BICRA: variants seen among roughly 807,000 people sequenced by gnomAD.
BICRA encodes the protein BRD4 interacting chromatin remodeling complex associated protein, also known as BRD4-interacting chromatin-remodeling complex-associated protein.
BICRA carries 31 observed loss-of-function variants against 96.9 expected under a neutral mutation model. The observed-to-expected ratio is 0.32, with a 90% CI of 0.24 to 0.43. The LOEUF is 0.43. Among genes scored for constraint, BICRA ranks in the 20% least tolerant of loss-of-function variants. The pLI is 1.00. For synonymous variants in BICRA, 1,350 were observed against 1,071.8 expected (o/e 1.26, Z -5.07); for missense variants, 2,283 against 2,190.3 (o/e 1.04, Z -0.84).
At chr19:47,649,466 C>T (rs567122206) in intron 1 of BICRA, among the ~76,000 whole-genome samples, 7 of 152,276 alleles carry the variant, frequency 4.6e-5, no homozygotes, top group African/African-American at 1.4e-4. Flanking sequence ...GTCTCTGCCT[C>T]GAAGATCTTG....
chr19:47,624,043 GT>G (rs1320879243), intron 1 of BICRA, among the ~76,000 whole-genome samples: 1 of 151,956 alleles, frequency 6.6e-6, no homozygotes. Flanking sequence ...TAGCGTCGGG[GT>G]TTCTCCATGT....
chr19:47,675,750 C>G lies in BICRA; in HGVS notation c.85-101C>G, dbSNP rs1047722331. 2 of 885,220 alleles carry G rather than the reference C, an allele frequency of 2.3e-6. No individual in the cohort carries two copies. Among genetic ancestry groups the G allele is most frequent in the African/African-American group, 3.3e-5 (2 of 60,362 alleles). The allele number at this position is 885,220 out of a possible 1,614,324, so 54.8% of individuals were successfully genotyped here. On this transcript the variant is annotated intron_variant, in intron 4 of 14. Coordinates refer to ENST00000594866, the MANE Select transcript of BICRA (RefSeq NM_001394372.1). This position sits in a 1 kb window ranked among gnomAD's most constrained non-coding sequence, Gnocchi z 4.7. The stretch of plus-strand genomic sequence containing the variant: ...ACCCCCAGCCCTCTCCCATCCCAAC[C>G]CTTGTCTTTTTGTCCTGAGTGACCC...
In BICRA at chr19:47,679,847, C is replaced by T. The variant is rs1470890154; in HGVS notation, c.677C>T (p.Thr226Met). ...GLPNGSPGGA[T>M]AATLGLAPIQ... ...CCCAATGGCAGCCCTGGGGGTGCCA[C>T]GGCGGCCACACTGGGCCTGGCGCCC... Residue 226 changes from threonine (T) to methionine (M), a missense_variant, in exon 6 of 15, where the codon ACG becomes ATG. Thr to Met is a moderately conservative substitution (Grantham distance 81, BLOSUM62 -1). Transcript: ENST00000594866. The T allele has an allele frequency of 6.7e-7, 1 of 1,491,844 alleles. No individual in the cohort carries two copies. Among genetic ancestry groups the T allele is most frequent in the Non-Finnish European group, 8.9e-7 (1 of 1,126,874 alleles). The allele number at this position is 1,491,844 out of a possible 1,614,324, so 92.4% of individuals were successfully genotyped here. A position where few individuals can be genotyped will look rare whatever the true frequency, so the allele number is the denominator to read the frequency against.
At chr19:47,658,645 AAAAAAAAAG>A in intron 1 of BICRA, among the ~76,000 whole-genome samples, 1 of 134,736 alleles carries the variant, frequency 7.4e-6, no homozygotes. Context: ...AAAAAAAAAA[AAAAAAAAAG>A]CAGCAGCAGC....
intron 1 of BICRA, among the ~76,000 whole-genome samples, chr19:47,614,624 A>T (rs1045621655): frequency 9.2e-5 from 14 of 152,216 alleles, no homozygotes; most frequent in Admixed American, 2.0e-4. Context: ...GACTCTGTCT[A>T]AAACAAACAA....
chr19:47,628,491 T>G (rs1208296684), intron 1 of BICRA, among the ~76,000 whole-genome samples: 1 of 152,248 alleles, frequency 6.6e-6, no homozygotes, highest in Non-Finnish European at 1.5e-5. Flanking sequence ...CTCTTAGCTT[T>G]GGGGTTTGCC....
At chr19:47,627,533 C>T (rs941822446) in intron 1 of BICRA, among the ~76,000 whole-genome samples, 5 of 152,176 alleles carry the variant, frequency 3.3e-5, no homozygotes, top group African/African-American at 9.7e-5. Flanking sequence ...GGCAGCTCCC[C>T]GTCAGCACAT....
chr19:47,658,128 A>G (rs145245323), intron 1 of BICRA, among the ~76,000 whole-genome samples: 1 of 152,206 alleles, frequency 6.6e-6, no homozygotes, highest in Non-Finnish European at 1.5e-5. Flanking sequence ...AAACTTTCCC[A>G]TATCCATTCT....
chr19:47,701,716 C>A lies in BICRA; in HGVS notation c.3984C>A (p.Asp1328Glu). The change falls in exon 15 of 15, where the codon GAC becomes GAA. Residue 1328 changes from aspartate (D) to glutamate (E), a missense_variant. Coordinates refer to ENST00000594866, the MANE Select transcript of BICRA (RefSeq NM_001394372.1). The surrounding 1 kb of genome is among the most constrained non-coding windows in gnomAD (Gnocchi z 5.4). ...LSKVVHNTAL[D>E]PVHQPPPPPA... is the part of the protein sequence containing the mutation. ...AGGTCGTGCACAACACGGCCCTGGA[C>A]CCCGTGCACCAGCCCCCGCCACCCC... 1 of 1,592,312 alleles carries A rather than the reference C, an allele frequency of 6.3e-7. No individual in the cohort carries two copies. The highest frequency in any genetic ancestry group is 1.1e-5 in the South Asian group (1 of 88,248).
rs568574550 is a variant in BICRA at position 47,699,483 on chromosome 19, G to C, written c.3595+78G>C. On this transcript the variant is annotated intron_variant, in intron 14 of 14. Transcript: ENST00000594866. This position sits in a 1 kb window ranked among gnomAD's most constrained non-coding sequence, Gnocchi z 5.0. ...TGGGCAGAAGAGTTAGATTCAGGGC[G>C]GGGAGTGGGTGTGTGGCCCTACCTC... The C allele has an allele frequency of 6.7e-5, 56 of 839,678 alleles. No individual in the cohort carries two copies. Among genetic ancestry groups the C allele is most frequent in the Middle Eastern group, 2.2e-4 (1 of 4,498 alleles). 52.0% of individuals were successfully genotyped at this position (839,678 alleles called of 1,614,324 possible).
chr19:47,694,762 C>A, intron 8 of BICRA, 36 bp downstream of exon 8: 1 of 1,136,772 alleles, frequency 8.8e-7, no homozygotes, highest in East Asian at 2.4e-5. Context: ...CCCATCAGCC[C>A]CATCCCATCC....
intron 5 of BICRA, among the ~76,000 whole-genome samples, chr19:47,678,803 G>A (rs1270068628): frequency 6.6e-6 from 1 of 152,030 alleles, no homozygotes. Flanking sequence ...GCACGCCCTA[G>A]GTTACACAGC....
chr19:47,677,632 T>C (rs185074097), intron 5 of BICRA, among the ~76,000 whole-genome samples: 6 of 152,194 alleles, frequency 3.9e-5, no homozygotes, highest in Admixed American at 2.6e-4. Context: ...TGGGCGGAGA[T>C]TGTGGTGAGC....
intron 1 of BICRA, among the ~76,000 whole-genome samples, chr19:47,651,540 G>T (rs889911402): frequency 6.6e-6 from 1 of 152,092 alleles, no homozygotes; most frequent in Non-Finnish European, 1.5e-5. Context: ...GACTCCTGCC[G>T]GTAGAACGTG....
rs1174835330 is a variant in BICRA, at chr19:47,698,899, C to A, written c.3398-66C>A. On this transcript the variant is annotated intron_variant, in intron 12 of 14. Transcript: ENST00000594866. The surrounding 1 kb of genome is among the most constrained non-coding windows in gnomAD (Gnocchi z 4.8). ...TGCGCTATGCTGACCCTGCCCCGCC[C>A]TCCTTCCTGCGCATCCGCGGCCGCC... is the stretch of plus-strand genomic sequence containing the variant. 1 of 1,386,270 alleles carries A rather than the reference C, an allele frequency of 7.2e-7. No homozygotes were observed. Among genetic ancestry groups the A allele is most frequent in the Non-Finnish European group, 1.0e-6 (1 of 995,676 alleles). 85.9% of individuals were successfully genotyped at this position (1,386,270 alleles called of 1,614,324 possible). A position where few individuals can be genotyped will look rare whatever the true frequency, so the allele number is the denominator to read the frequency against.
rs1972384788 is a variant in BICRA, at chr19:47,641,421, A to G, written c.-107-29022A>G. 2.6e-5 allele frequency among the ~76,000 whole-genome samples: 4 copies of G among 152,148 alleles called. No homozygotes were observed. In the South Asian group the frequency reaches 8.3e-4, roughly 32 times the overall value. On this transcript the variant is annotated intron_variant, in intron 1 of 14. Transcript: ENST00000594866. ...TCCTCCCTACCCCCTGGCTCAGGCA[A>G]TGCAAAAATCTCTGCTTTCTGTAAC...
At chr19:47,694,752 C>A (rs1973306600) in intron 8 of BICRA, 26 bp downstream of exon 8, 3 of 1,190,464 alleles carry the variant, frequency 2.5e-6, no homozygotes, top group Non-Finnish European at 2.4e-6. Context: ...GACTGCCCGC[C>A]CCATCAGCCC....
chr19:47,680,363 C>T lies in BICRA; in HGVS notation c.1193C>T (p.Thr398Met), dbSNP rs761301700. 7 of 1,530,510 alleles carry T rather than the reference C, an allele frequency of 4.6e-6. No homozygotes were observed. Among genetic ancestry groups the T allele is most frequent in the Non-Finnish European group, 6.1e-6 (7 of 1,143,664 alleles). The allele number at this position is 1,530,510 out of a possible 1,614,324, so 94.8% of individuals were successfully genotyped here. A position where few individuals can be genotyped will look rare whatever the true frequency, so the allele number is the denominator to read the frequency against. The change falls in exon 6 of 15, where the codon ACG becomes ATG. Residue 398 changes from threonine to methionine, a missense_variant. By Grantham distance (81) the Thr-to-Met change is moderately conservative. Coordinates refer to ENST00000594866, the MANE Select transcript of BICRA (RefSeq NM_001394372.1). Reference protein sequence around the residue: ...PQQPKAPQNLTFMAAGKAGQN... With the variant: ...PQQPKAPQNLMFMAAGKAGQN... ...CAGCCCAAGGCCCCGCAGAACCTGA[C>T]GTTCATGGCGGCGGGGAAGGCGGGC...
chr19:47,629,415 A>G (rs1292175159), intron 1 of BICRA, among the ~76,000 whole-genome samples: 2 of 151,692 alleles, frequency 1.3e-5, no homozygotes, highest in Non-Finnish European at 2.9e-5. Context: ...ATTTAAGTGG[A>G]CTCCTGTAGT....
Sources: allele counts gnomAD v4.1 joint callset (sites outside exome capture counted in the v4.1 genomes callset), GRCh38; gene constraint gnomAD v4.1.1; non-coding constraint Gnocchi (gnomAD v3.1); transcripts MANE v1.5; gene names NCBI Gene and HGNC (gene_info 2026-07-23, HGNC 2026-07-21).